The following WDFY3 variants were observed in gnomAD, a reference collection of about 807,000 sequenced individuals.
WDFY3 encodes the protein WD repeat and FYVE domain containing 3, also known as WD repeat and FYVE domain-containing protein 3.
WDFY3 carries 66 observed loss-of-function variants against 409.6 expected under a neutral mutation model. The observed-to-expected ratio is 0.16, with a 90% confidence interval of 0.13 to 0.20. The LOEUF is 0.20. WDFY3 is among the 10% of genes least tolerant of loss of function. The pLI is 1.00. For synonymous variants in WDFY3, 1,521 were observed against 1,537.1 expected (o/e 0.99, Z 0.25); for missense variants, 3,031 against 4,298.1 (o/e 0.71, Z 8.24).
At chr4:84,918,551 T>C (rs957481543) in intron 2 of WDFY3, among the ~76,000 whole-genome samples, 1 of 152,074 alleles carries the variant, frequency 6.6e-6, no homozygotes, top group Non-Finnish European at 1.5e-5. Flanking sequence ...ATAAGGTTGG[T>C]TATCTAGCAG....
intron 5 of WDFY3, among the ~76,000 whole-genome samples, chr4:84,841,484 A>C (rs1466619598): frequency 6.6e-6 from 1 of 152,224 alleles, no homozygotes; most frequent in Non-Finnish European, 1.5e-5. Flanking sequence ...TTTCAGGAAA[A>C]GTTATGACAG....
At chr4:84,855,544 C>G (rs181613732) in intron 4 of WDFY3, among the ~76,000 whole-genome samples, 1 of 152,156 alleles carries the variant, frequency 6.6e-6, no homozygotes, top group Admixed American at 6.5e-5. Flanking sequence ...AAACTTGTTA[C>G]TGAATAGTGC....
At chr4:84,696,608 T>C (rs1730193409) in intron 57 of WDFY3, 124 bp downstream of exon 57, 1 of 880,802 alleles carries the variant, frequency 1.1e-6, no homozygotes, top group Admixed American at 2.5e-5. Flanking sequence ...GTATCCCCTG[T>C]AGATAAGGGG....
chr4:84,870,752 A>C (rs1203331533), intron 3 of WDFY3, among the ~76,000 whole-genome samples: 1 of 152,112 alleles, frequency 6.6e-6, no homozygotes, highest in African/African-American at 2.4e-5. Context: ...AGGAAGAATA[A>C]AGGAAGCAAA....
intron 51 of WDFY3, among the ~76,000 whole-genome samples, chr4:84,710,756 C>T (rs1732748508): frequency 6.6e-6 from 1 of 152,022 alleles, no homozygotes; most frequent in South Asian, 2.1e-4. Context: ...TCAGCACAGG[C>T]AGTAGCAAGA....
chr4:84,714,134 T>A (rs987100729), intron 50 of WDFY3, among the ~76,000 whole-genome samples: 1 of 152,098 alleles, frequency 6.6e-6, no homozygotes, highest in African/African-American at 2.4e-5. Context: ...AAAATCATTA[T>A]TATTTTTTGA....
chr4:84,739,176 A>T, intron 39 of WDFY3, 57 bp from the exon 40 acceptor site: 1 of 1,514,110 alleles, frequency 6.6e-7, no homozygotes, highest in Non-Finnish European at 9.2e-7. Context: ...TGAAGACTAC[A>T]GTAACTAAGA....
chr4:84,836,012 G>C (rs1197316635), intron 7 of WDFY3, among the ~76,000 whole-genome samples: 1 of 152,066 alleles, frequency 6.6e-6, no homozygotes. Flanking sequence ...GTTTTTAACT[G>C]TTGATTGGGT....
At chr4:84,699,044 G>GC (rs111736676) in intron 56 of WDFY3, among the ~76,000 whole-genome samples, 4 of 143,268 alleles carry the variant, frequency 2.8e-5, no homozygotes, top group African/African-American at 7.7e-5. Flanking sequence ...GAGGCAAACT[G>GC]TTTTTTTTTT....
At chr4:84,710,185 A>G (rs1160927604) in intron 51 of WDFY3, among the ~76,000 whole-genome samples, 2 of 152,188 alleles carry the variant, frequency 1.3e-5, no homozygotes, top group Non-Finnish European at 2.9e-5. Context: ...ACCATAGTCT[A>G]ACTTTCTAAT....
At chr4:84,905,778 T>A (rs1766965828) in intron 2 of WDFY3, among the ~76,000 whole-genome samples, 1 of 152,132 alleles carries the variant, frequency 6.6e-6, no homozygotes, top group Admixed American at 6.5e-5. Flanking sequence ...CAAACTTCAT[T>A]CCACTCTCCC....
chr4:84,738,975 C>A (rs1219853011), intron 40 of WDFY3, 35 bp downstream of exon 40: 1 of 1,607,688 alleles, frequency 6.2e-7, no homozygotes, highest in Non-Finnish European at 8.5e-7. Flanking sequence ...ATAAAACAAC[C>A]ACAATTTAAA....
chr4:84,841,037 T>C lies in WDFY3; in HGVS notation c.414+117A>G, dbSNP rs1757276677. The C allele has an allele frequency of 1.1e-5, 9 of 838,984 alleles. 1 individual carries two copies. The East Asian group carries it at 2.4e-4, about 23-fold the overall frequency. The allele number at this position is 838,984 out of a possible 1,614,324, so 52.0% of individuals were successfully genotyped here. A position where few individuals can be genotyped will look rare whatever the true frequency, so the allele number is the denominator to read the frequency against. ...TAATGTTTTAAAAAAGTTAGAAGAATACAAATGATTATCATAGTATCTCAT... is the reference window on the plus strand; with the variant it reads ...TAATGTTTTAAAAAAGTTAGAAGAACACAAATGATTATCATAGTATCTCAT... On this transcript the variant is annotated intron_variant, in intron 6 of 67. Coordinates refer to ENST00000295888, the MANE Select transcript of WDFY3 (RefSeq NM_014991.6).
At position 84,671,145 on chromosome 4, in the gene WDFY3, T is replaced by G. The variant is rs1725387045; in HGVS notation, c.*1723A>C. ...TAGTTATCATATCAGGAAGAACAAA[T>G]TTGTTCTTAAGCTGGTTTCAGCCCA... On this transcript the variant is annotated 3_prime_UTR_variant, in exon 68 of 68. Transcript: ENST00000295888. The G allele has an allele frequency of 6.6e-6, 1 of 152,558 alleles. No individual in the cohort carries two copies. Among genetic ancestry groups the G allele is most frequent in the Non-Finnish European group, 1.5e-5 (1 of 68,012 alleles). 9.5% of individuals were successfully genotyped at this position (152,558 alleles called of 1,614,324 possible). A position where few individuals can be genotyped will look rare whatever the true frequency, so the allele number is the denominator to read the frequency against.
intron 32 of WDFY3, among the ~76,000 whole-genome samples, chr4:84,761,679 C>T (rs1022203163): frequency 1.1e-3 from 173 of 152,070 alleles, no homozygotes; most frequent in Non-Finnish European, 2.1e-3. Context: ...ACAGGCAACC[C>T]ACAAAATGGG....
intron 1 of WDFY3, among the ~76,000 whole-genome samples, chr4:84,958,125 G>C (rs956653498): frequency 6.6e-6 from 1 of 152,200 alleles, no homozygotes; most frequent in Non-Finnish European, 1.5e-5. Context: ...GAAACGTTAA[G>C]GGATTTTGGG....
intron 3 of WDFY3, among the ~76,000 whole-genome samples, chr4:84,885,330 ATGTGTGTGTGTGTGTGTGTG>A (rs70943380): frequency 6.9e-6 from 1 of 145,550 alleles, no homozygotes; most frequent in Non-Finnish European, 1.5e-5. Context: ...ACATATACAT[ATGTGTGTGTGTGTGTGTGTG>A]TGTGTGTGTG....
chr4:84,745,184 A>G (rs984953065), intron 36 of WDFY3, among the ~76,000 whole-genome samples: 2 of 152,220 alleles, frequency 1.3e-5, no homozygotes, highest in Admixed American at 6.5e-5. Context: ...AACTGGGAAC[A>G]GAGGGATGAG....
chr4:84,902,569 G>T lies in WDFY3; in HGVS notation c.-131-5559C>A, dbSNP rs114268301. Among the ~76,000 whole-genome samples, 656 of 152,200 alleles carry T rather than the reference G, an allele frequency of 4.3e-3. 4 individuals carry two copies. Among genetic ancestry groups the T allele is most frequent in the African/African-American group, 0.015 (614 of 41,542 alleles). ...ATCTTCTGTAAACCATTTTTACATGGTCATCAAAGAGAAGAAACTTTTTAG... is the reference window on the plus strand; with the variant it reads ...ATCTTCTGTAAACCATTTTTACATGTTCATCAAAGAGAAGAAACTTTTTAG... On this transcript the variant is annotated intron_variant, in intron 2 of 67. Transcript: ENST00000295888.
Sources: allele counts gnomAD v4.1 joint callset (sites outside exome capture counted in the v4.1 genomes callset), GRCh38; gene constraint gnomAD v4.1.1; transcripts MANE v1.5; gene names NCBI Gene and HGNC (gene_info 2026-07-23, HGNC 2026-07-21).